The following ATF6 variants were observed in gnomAD, a reference collection of about 807,000 sequenced individuals.
ATF6 encodes the protein cyclic AMP-dependent transcription factor ATF-6 alpha.
In ATF6, 53 loss-of-function variants were observed where a neutral mutation model predicts 83.6. The ratio of observed to expected loss-of-function variants is 0.63; its 90% CI spans 0.51 to 0.80. ATF6 has a LOEUF of 0.80. Among genes scored for constraint, ATF6 ranks in the 30% least tolerant of loss-of-function variants. The pLI, the probability that ATF6 is intolerant of heterozygous loss-of-function variation, is 0.00. For missense variants in ATF6, 744 were observed against 797.9 expected (o/e 0.93, Z 0.81); for synonymous variants, 288 against 285.8 (o/e 1.01, Z -0.08).
chr1:161,766,833 G>A (rs929760168), intron 1 of ATF6, among the ~76,000 whole-genome samples: 2 of 152,202 alleles, frequency 1.3e-5, no homozygotes, highest in Non-Finnish European at 2.9e-5. Flanking sequence ...GGGTTTTTGT[G>A]TGTTTGGTGT....
intron 9 of ATF6, among the ~76,000 whole-genome samples, chr1:161,828,533 CCA>C (rs1238498629): frequency 5.3e-5 from 8 of 152,182 alleles, no homozygotes; most frequent in Admixed American, 3.9e-4. Context: ...TTTCCTCTAC[CCA>C]AATAAAGCCA....
At chr1:161,803,949 G>A (rs564956981) in intron 7 of ATF6, among the ~76,000 whole-genome samples, 7 of 150,758 alleles carry the variant, frequency 4.6e-5, no homozygotes, top group African/African-American at 1.2e-4. Context: ...CCACTAACTC[G>A]TCATCTAGCA....
intron 1 of ATF6, among the ~76,000 whole-genome samples, chr1:161,775,635 G>T (rs1432874688): frequency 6.6e-6 from 1 of 151,770 alleles, no homozygotes; most frequent in Non-Finnish European, 1.5e-5. Context: ...TTCATATTGG[G>T]GCCTTTGTTC....
intron 14 of ATF6, among the ~76,000 whole-genome samples, chr1:161,899,333 G>A (rs892313929): frequency 3.3e-5 from 5 of 152,098 alleles, no homozygotes; most frequent in Non-Finnish European, 7.4e-5. Context: ...AAGCCCATTT[G>A]AAATCAACTG....
intron 15 of ATF6, among the ~76,000 whole-genome samples, chr1:161,915,805 TAG>T: frequency 6.6e-6 from 1 of 152,024 alleles, no homozygotes; most frequent in East Asian, 1.9e-4. Flanking sequence ...AAATTGTTTG[TAG>T]AGACAGAGTC....
At chr1:161,815,930 ATTCT>A (rs1378577122) in intron 7 of ATF6, among the ~76,000 whole-genome samples, 2 of 152,216 alleles carry the variant, frequency 1.3e-5, no homozygotes, top group Non-Finnish European at 2.9e-5. Context: ...ACAGAGTGAG[ATTCT>A]TTCTCAAAAA....
chr1:161,775,266 A>C (rs1366664419), intron 1 of ATF6, among the ~76,000 whole-genome samples: 1 of 152,230 alleles, frequency 6.6e-6, no homozygotes, highest in African/African-American at 2.4e-5. Context: ...CTGTAAAGCC[A>C]CTGCTTCCCA....
At chr1:161,844,539 A>G (rs1377321710) in intron 9 of ATF6, among the ~76,000 whole-genome samples, 1 of 152,146 alleles carries the variant, frequency 6.6e-6, no homozygotes, top group Non-Finnish European at 1.5e-5. Context: ...GGGAGTGAGT[A>G]CTTCCACCAA....
chr1:161,898,534 G>T (rs531442477), intron 14 of ATF6, among the ~76,000 whole-genome samples: 5 of 150,512 alleles, frequency 3.3e-5, no homozygotes, highest in East Asian at 3.9e-4. Context: ...GTGTGTGTGT[G>T]TTTTTTTTGT....
chr1:161,853,576 T>C (rs1686693765), intron 12 of ATF6, among the ~76,000 whole-genome samples: 1 of 152,178 alleles, frequency 6.6e-6, no homozygotes, highest in East Asian at 1.9e-4. Context: ...ACCTTCAAAT[T>C]TGCTTTCAAG....
chr1:161,823,386 C>T (rs1685810775), intron 9 of ATF6, among the ~76,000 whole-genome samples: 1 of 152,046 alleles, frequency 6.6e-6, no homozygotes, highest in South Asian at 2.1e-4. Context: ...TCTATATACA[C>T]ATTTATTTGC....
At chr1:161,944,941 G>C (rs1688721601) in intron 15 of ATF6, among the ~76,000 whole-genome samples, 1 of 146,304 alleles carries the variant, frequency 6.8e-6, no homozygotes, top group African/African-American at 2.4e-5. Flanking sequence ...TTTTGGCAAA[G>C]AAGGTTAAAT....
chr1:161,850,410 G>A (rs1237859467), intron 10 of ATF6, among the ~76,000 whole-genome samples: 4 of 151,876 alleles, frequency 2.6e-5, no homozygotes, highest in Non-Finnish European at 2.9e-5. Context: ...TAGAGGCGGC[G>A]TCTTCTCATC....
chr1:161,813,479 A>G (rs1468664558), intron 7 of ATF6, among the ~76,000 whole-genome samples: 1 of 152,186 alleles, frequency 6.6e-6, no homozygotes, highest in Non-Finnish European at 1.5e-5. Flanking sequence ...ACTTTTTTGT[A>G]CACAGTCCAC....
chr1:161,836,004 T>C (rs538010087), intron 9 of ATF6, among the ~76,000 whole-genome samples: 25 of 152,210 alleles, frequency 1.6e-4, no homozygotes, highest in Non-Finnish European at 2.9e-4. Flanking sequence ...CTTTATAGTT[T>C]GAGACATCAG....
chr1:161,917,642 G>A (rs1474272635), intron 15 of ATF6, among the ~76,000 whole-genome samples: 2 of 152,048 alleles, frequency 1.3e-5, no homozygotes, highest in African/African-American at 4.8e-5. Flanking sequence ...GGATGGTTTC[G>A]ATGTCCTGAC....
At chr1:161,875,834 A>AT (rs1687206698) in intron 14 of ATF6, among the ~76,000 whole-genome samples, 1 of 151,858 alleles carries the variant, frequency 6.6e-6, no homozygotes, top group Non-Finnish European at 1.5e-5. Context: ...TGTATTTCCC[A>AT]TTTTGTCGTA....
chr1:161,940,126 G>T (rs2101908936), intron 15 of ATF6, among the ~76,000 whole-genome samples: 1 of 152,232 alleles, frequency 6.6e-6, no homozygotes, highest in Middle Eastern at 3.4e-3. Flanking sequence ...AGGTGCTCAT[G>T]CCAGAAACTT....
intron 7 of ATF6, among the ~76,000 whole-genome samples, chr1:161,817,820 T>C (rs933130540): frequency 7.2e-5 from 11 of 151,968 alleles, no homozygotes; most frequent in African/African-American, 2.7e-4. Flanking sequence ...GATTACAGGC[T>C]GGCACGGTGG....
Sources: allele counts gnomAD v4.1 joint callset (sites outside exome capture counted in the v4.1 genomes callset), GRCh38; gene constraint gnomAD v4.1.1; transcripts MANE v1.5; gene names NCBI Gene and HGNC (gene_info 2026-07-23, HGNC 2026-07-21).